GRIK2: variants seen among roughly 807,000 people sequenced by gnomAD.
GRIK2 encodes the protein glutamate receptor ionotropic, kainate 2.
GRIK2 carries 32 observed loss-of-function variants against 100.3 expected under a neutral mutation model. The observed-to-expected ratio is 0.32, with a 90% confidence interval of 0.24 to 0.43. The LOEUF is 0.43. Among genes scored for constraint, GRIK2 ranks in the 20% least tolerant of loss-of-function variants. The pLI is 1.00. For synonymous variants in GRIK2, 417 were observed against 389.4 expected, an observed-to-expected ratio of 1.07 and a Z score of -0.83; for missense variants, 843 against 1,114.9, an observed-to-expected ratio of 0.76 and a Z score of 3.47.
At chr6:101,698,737 C>G (rs1361144450) in intron 7 of GRIK2, among the ~76,000 whole-genome samples, 1 of 152,112 alleles carries the variant, frequency 6.6e-6, no homozygotes, top group Non-Finnish European at 1.5e-5. Context: ...GATGTTTGCA[C>G]TTGAAGAATT....
intron 14 of GRIK2, among the ~76,000 whole-genome samples, chr6:101,957,860 A>G (rs1456352823): frequency 6.6e-6 from 1 of 151,854 alleles, no homozygotes; most frequent in South Asian, 2.1e-4. Context: ...TTATTGATGT[A>G]TTCTATATTA....
At chr6:102,025,774 G>A (rs1582744967) in intron 14 of GRIK2, among the ~76,000 whole-genome samples, 2 of 151,226 alleles carry the variant, frequency 1.3e-5, no homozygotes, top group East Asian at 1.9e-4. Flanking sequence ...GTAAATCTAC[G>A]CACACACAGT....
chr6:101,653,642 T>A lies in GRIK2; in HGVS notation c.542-22981T>A, dbSNP rs569804768. The stretch of plus-strand genomic sequence containing the variant: ...AAACATCTTTATTTTCTTTCTTTCT[T>A]TTTTTTTTCCTCACTTGTTGCCCAG... On this transcript the variant is annotated intron_variant, in intron 4 of 16. Coordinates refer to ENST00000369134, the MANE Select transcript of GRIK2 (RefSeq NM_021956.5). 2.0e-5 allele frequency among the ~76,000 whole-genome samples: 3 copies of A among 151,452 alleles called. No individual in the cohort carries two copies. The South Asian group carries it at 6.3e-4, about 32-fold the overall frequency.
chr6:101,506,625 T>C (rs886923790), intron 2 of GRIK2, among the ~76,000 whole-genome samples: 4 of 152,288 alleles, frequency 2.6e-5, no homozygotes, highest in East Asian at 3.9e-4. Context: ...ATTTCTTAAC[T>C]GCGTAGACTA....
chr6:101,400,744 A>T (rs1042746602), intron 2 of GRIK2, among the ~76,000 whole-genome samples: 2 of 152,224 alleles, frequency 1.3e-5, no homozygotes, highest in African/African-American at 4.8e-5. Flanking sequence ...GATGTTTCAC[A>T]TACATTCAAA....
chr6:101,941,562 T>C (rs974805560), intron 14 of GRIK2, among the ~76,000 whole-genome samples: 1 of 152,054 alleles, frequency 6.6e-6, no homozygotes. Context: ...AAATGTTCAA[T>C]ACATTTAAAA....
intron 9 of GRIK2, among the ~76,000 whole-genome samples, chr6:101,807,451 C>G (rs561114480): frequency 5.9e-5 from 9 of 151,890 alleles, no homozygotes; most frequent in African/African-American, 2.2e-4. Context: ...ACAAAGCTCA[C>G]CCAAATGAGA....
At chr6:101,967,024 CAAGCTGACAAACTATA>C (rs1285867343) in intron 14 of GRIK2, among the ~76,000 whole-genome samples, 1 of 151,660 alleles carries the variant, frequency 6.6e-6, no homozygotes, top group Non-Finnish European at 1.5e-5. Context: ...AAATTTTGTT[CAAGCTGACAAACTATA>C]AAACAAAATT....
chr6:101,450,898 T>G (rs1438969962), intron 2 of GRIK2, among the ~76,000 whole-genome samples: 1 of 151,686 alleles, frequency 6.6e-6, no homozygotes, highest in South Asian at 2.1e-4. Context: ...GGTGTGATAT[T>G]TGGTGAAACA....
At chr6:101,782,503 C>G (rs112605274) in intron 7 of GRIK2, among the ~76,000 whole-genome samples, 7 of 152,168 alleles carry the variant, frequency 4.6e-5, no homozygotes, top group Admixed American at 4.6e-4. Flanking sequence ...TAATGACCTC[C>G]AATTCCATCC....
chr6:101,968,742 A>C (rs993470229), intron 14 of GRIK2, among the ~76,000 whole-genome samples: 1 of 140,604 alleles, frequency 7.1e-6, no homozygotes, highest in Non-Finnish European at 1.6e-5. Context: ...ACCCATCAAA[A>C]ATGTGTGTTC....
At chr6:101,439,579 C>T (rs1180805244) in intron 2 of GRIK2, among the ~76,000 whole-genome samples, 1 of 152,072 alleles carries the variant, frequency 6.6e-6, no homozygotes, top group Non-Finnish European at 1.5e-5. Flanking sequence ...AGACATGGGA[C>T]TTTTCCATTA....
intron 2 of GRIK2, among the ~76,000 whole-genome samples, chr6:101,433,647 CT>C (rs1299881127): frequency 6.8e-6 from 1 of 146,708 alleles, no homozygotes; most frequent in Non-Finnish European, 1.5e-5. Context: ...CTTTTTTTTT[CT>C]TACTTATTGT....
chr6:101,701,352 G>A (rs538558704), intron 7 of GRIK2, among the ~76,000 whole-genome samples: 1 of 152,010 alleles, frequency 6.6e-6, no homozygotes, highest in Non-Finnish European at 1.5e-5. Flanking sequence ...CTGTGCCTTC[G>A]TAGTACCTGT....
At chr6:101,676,186 T>G (rs1261596852) in intron 4 of GRIK2, among the ~76,000 whole-genome samples, 1 of 152,206 alleles carries the variant, frequency 6.6e-6, no homozygotes. Context: ...AAAACAGTAT[T>G]TCAAGCCTTT....
chr6:101,532,800 A>T (rs1441626793), intron 2 of GRIK2, among the ~76,000 whole-genome samples: 1 of 151,832 alleles, frequency 6.6e-6, no homozygotes. Flanking sequence ...TTGGAAATAA[A>T]CCAATGCAAA....
chr6:101,404,843 T>G (rs772872264), intron 2 of GRIK2, among the ~76,000 whole-genome samples: 8 of 152,218 alleles, frequency 5.3e-5, no homozygotes, highest in Admixed American at 2.0e-4. Flanking sequence ...CAGAAACCCC[T>G]GAAAGGGAAG....
At chr6:101,746,872 G>A (rs1162025743) in intron 7 of GRIK2, among the ~76,000 whole-genome samples, 2 of 152,094 alleles carry the variant, frequency 1.3e-5, no homozygotes, top group African/African-American at 2.4e-5. Flanking sequence ...GTTATGGGAG[G>A]ACAAAGGTAT....
At chr6:101,431,088 A>G in intron 2 of GRIK2, 1 of 257,924 alleles carries the variant, frequency 3.9e-6, no homozygotes. Context: ...CAAGGTCTCA[A>G]ACATGATCTG....
Sources: allele counts gnomAD v4.1 joint callset (sites outside exome capture counted in the v4.1 genomes callset), GRCh38; gene constraint gnomAD v4.1.1; transcripts MANE v1.5; gene names NCBI Gene and HGNC (gene_info 2026-07-23, HGNC 2026-07-21).